MTAP: variants seen among roughly 807,000 people sequenced by gnomAD.
MTAP encodes S-methyl-5'-thioadenosine phosphorylase.
Under a neutral mutation model 33.6 loss-of-function variants are expected in MTAP, and 33 were observed. That is an observed-to-expected ratio of 0.98 (90% CI 0.74 to 1.31). The LOEUF is 1.31. Ranked by LOEUF, MTAP falls within the 40% of genes most tolerant of loss-of-function variation. The pLI is 0.00. For missense variants in MTAP, 367 were observed against 360.0 expected (o/e 1.02, Z -0.16); for synonymous variants, 148 against 125.7 (o/e 1.18, Z -1.19).
intron 4 of MTAP, among the ~76,000 whole-genome samples, chr9:21,829,195 AGTCAT>A (rs1385600377): frequency 2.6e-5 from 4 of 152,296 alleles, no homozygotes; most frequent in African/African-American, 9.6e-5. Context: ...GGTTTCCCAG[AGTCAT>A]ACCCACAGCC....
At chr9:21,836,983 C>T (rs1164998860) in intron 4 of MTAP, among the ~76,000 whole-genome samples, 2 of 152,184 alleles carry the variant, frequency 1.3e-5, no homozygotes, top group African/African-American at 4.8e-5. Flanking sequence ...TCCCTTGACC[C>T]ATCTCTCCCA....
chr9:21,807,257 A>G (rs1215656487), intron 1 of MTAP, among the ~76,000 whole-genome samples: 1 of 152,218 alleles, frequency 6.6e-6, no homozygotes, highest in Non-Finnish European at 1.5e-5. Context: ...TGAGCTATCA[A>G]CATAATGATA....
intron 4 of MTAP, among the ~76,000 whole-genome samples, chr9:21,828,173 A>G (rs185516441): frequency 7.2e-5 from 11 of 151,966 alleles, no homozygotes; most frequent in South Asian, 6.2e-4. Context: ...ATCTTCTACT[A>G]TTTTTCTGTT....
In MTAP at chr9:21,802,714, C is replaced by G. The variant is rs771017091; in HGVS notation, c.-35C>G. The G allele has an allele frequency of 6.2e-7, 1 of 1,608,156 alleles. No individual in the cohort carries two copies. Among genetic ancestry groups the G allele is most frequent in the Admixed American group, 1.7e-5 (1 of 59,608 alleles). On this transcript the variant is annotated 5_prime_UTR_variant, in exon 1 of 8. Transcript: ENST00000644715. ...CTCGCTTGGTTCCCTTAGTCCCGAGCGCTCGCCCACTGCAGATTCCTTTCC... is the reference window on the plus strand; with the variant it reads ...CTCGCTTGGTTCCCTTAGTCCCGAGGGCTCGCCCACTGCAGATTCCTTTCC...
chr9:21,888,269 G>A (rs982908423), intron 1 of MTAP, among the ~76,000 whole-genome samples: 1 of 152,162 alleles, frequency 6.6e-6, no homozygotes, highest in Non-Finnish European at 1.5e-5. Flanking sequence ...AATGTTCCAT[G>A]TACTGGTGAA....
intron 1 of MTAP, among the ~76,000 whole-genome samples, chr9:21,911,243 A>G (rs1818571072): frequency 6.6e-6 from 1 of 152,206 alleles, no homozygotes; most frequent in South Asian, 2.1e-4. Context: ...TAACAAGGAT[A>G]TCCAGGAATT....
chr9:21,850,910 C>T (rs1825495238), intron 5 of MTAP, among the ~76,000 whole-genome samples: 1 of 152,180 alleles, frequency 6.6e-6, no homozygotes, highest in African/African-American at 2.4e-5. Flanking sequence ...ATCCTTGCCA[C>T]CTGGACACTT....
chr9:21,890,943 G>C (rs1363667639), intron 1 of MTAP, among the ~76,000 whole-genome samples: 3 of 152,144 alleles, frequency 2.0e-5, no homozygotes, highest in African/African-American at 7.2e-5. Flanking sequence ...CCAAGTGGGA[G>C]CTGCAAGTTA....
rs186016185 is a variant in MTAP, at chr9:21,885,015, G to A, written c.147+30145G>A. Among the ~76,000 whole-genome samples, 699 of 152,254 alleles carry A rather than the reference G, an allele frequency of 4.6e-3. 5 individuals are homozygous for A. The highest frequency in any genetic ancestry group is 7.0e-3 in the Non-Finnish European group (478 of 68,012). On this transcript the variant is annotated intron_variant, in intron 1 of 1. Transcript: ENST00000577563. ...TATGATAGAGAAAGAATATATGGTGGGAAGGGCTTTCAGGGTACCGGAACT... is the reference window on the plus strand; with the variant it reads ...TATGATAGAGAAAGAATATATGGTGAGAAGGGCTTTCAGGGTACCGGAACT...
chr9:21,852,155 A>G (rs956201226), intron 5 of MTAP, among the ~76,000 whole-genome samples: 1 of 152,196 alleles, frequency 6.6e-6, no homozygotes, highest in Non-Finnish European at 1.5e-5. Flanking sequence ...GGAAAACTAA[A>G]TATCGTTATG....
At chr9:21,887,564 G>A (rs1006806169) in intron 1 of MTAP, among the ~76,000 whole-genome samples, 1 of 152,046 alleles carries the variant, frequency 6.6e-6, no homozygotes. Context: ...TAGTGCCGCA[G>A]TAAACATACA....
intron 6 of MTAP, among the ~76,000 whole-genome samples, chr9:21,855,765 G>A (rs534283787): frequency 6.6e-6 from 1 of 152,118 alleles, no homozygotes; most frequent in South Asian, 2.1e-4. Flanking sequence ...ATGAATTCCA[G>A]GTACCCATCA....
chr9:21,848,260 G>T (rs1355074364), intron 5 of MTAP, among the ~76,000 whole-genome samples: 1 of 152,266 alleles, frequency 6.6e-6, no homozygotes, highest in South Asian at 2.1e-4. Flanking sequence ...CCCTAGAGGT[G>T]AGGTTGAGAT....
intron 1 of MTAP, among the ~76,000 whole-genome samples, chr9:21,809,920 T>TG (rs1824303609): frequency 6.6e-6 from 1 of 152,228 alleles, no homozygotes; most frequent in East Asian, 1.9e-4. Context: ...TCTAAAAATA[T>TG]CTGGCCATTT....
chr9:21,928,983 C>T (rs1193846262), intron 1 of MTAP, among the ~76,000 whole-genome samples: 2 of 151,944 alleles, frequency 1.3e-5, no homozygotes, highest in African/African-American at 2.4e-5. Flanking sequence ...AACCCAACGT[C>T]GGAAGGGGAA....
intron 1 of MTAP, among the ~76,000 whole-genome samples, chr9:21,923,942 G>A (rs985334251): frequency 1.3e-5 from 2 of 152,226 alleles, no homozygotes; most frequent in African/African-American, 4.8e-5. Context: ...GACAGAGAGA[G>A]ATAAAGGCTG....
At chr9:21,844,863 C>T (rs778976297) in intron 5 of MTAP, among the ~76,000 whole-genome samples, 1 of 152,118 alleles carries the variant, frequency 6.6e-6, no homozygotes. Flanking sequence ...AACCCCATCT[C>T]TACTAAAAAT....
chr9:21,813,648 A>G (rs1420234276), intron 1 of MTAP: 1 of 152,380 alleles, frequency 6.6e-6, no homozygotes, highest in East Asian at 1.9e-4. Context: ...GCCCTGGCTC[A>G]GGGAACACCC....
At chr9:21,916,051 AGAGG>A (rs201860768) in intron 1 of MTAP, among the ~76,000 whole-genome samples, 5,579 of 113,032 alleles carry the variant, frequency 0.049, 288 homozygotes, top group Admixed American at 0.17. Flanking sequence ...AGAAGGAGAG[AGAGG>A]GAGGGAGGGA....
Sources: gnomAD v4.1 joint callset for allele counts (sites outside exome capture counted in the v4.1 genomes callset) on GRCh38, gnomAD v4.1.1 for gene constraint, MANE v1.5 for transcripts, NCBI Gene and HGNC (gene_info 2026-07-23, HGNC 2026-07-21) for gene names.